The following ADGRV1 variants were observed in gnomAD, a reference collection of about 807,000 sequenced individuals.
ADGRV1 encodes the protein G-protein coupled receptor 98.
Under a neutral mutation model 596.2 loss-of-function variants are expected in ADGRV1, and 359 were observed. The ratio of observed to expected loss-of-function variants is 0.60; its 90% CI spans 0.55 to 0.66. The LOEUF is 0.66. Ranked by LOEUF, ADGRV1 falls within the 30% of genes least tolerant of loss-of-function variation. The pLI, the probability that ADGRV1 is intolerant of heterozygous loss-of-function variation, is 0.00. For synonymous variants in ADGRV1, 2,681 were observed against 2,679.2 expected, an observed-to-expected ratio of 1.00 and a Z score of -0.02; for missense variants, 7,274 against 7,575.6, an observed-to-expected ratio of 0.96 and a Z score of 1.48.
At chr5:90,907,869 G>C (rs1772468742) in intron 83 of ADGRV1, among the ~76,000 whole-genome samples, 1 of 151,948 alleles carries the variant, frequency 6.6e-6, no homozygotes, top group Non-Finnish European at 1.5e-5. Flanking sequence ...TTTTGTTTTT[G>C]AAATAGAGTC....
chr5:91,064,203 A>G (rs986652980), intron 85 of ADGRV1, among the ~76,000 whole-genome samples: 6 of 152,228 alleles, frequency 3.9e-5, no homozygotes, highest in Non-Finnish European at 8.8e-5. Context: ...GAGAAATGTA[A>G]AGAAAATGTT....
rs117736721 is a variant in ADGRV1, at chr5:90,584,783, T to C, written c.22+25866T>C. 2.5e-3 allele frequency among the ~76,000 whole-genome samples: 381 copies of C among 152,322 alleles called. 4 individuals carry two copies. Among genetic ancestry groups the C allele is most frequent in the Admixed American group, 0.021 (321 of 15,306 alleles). On this transcript the variant is annotated intron_variant, in intron 1 of 89. Coordinates refer to ENST00000405460, the MANE Select transcript of ADGRV1 (RefSeq NM_032119.4). ...GGACTGAAAGCCAGCCTGTCTTTGC[T>C]AGAAGTAAATACAGTATTAAGTTCT...
chr5:90,820,904 T>C (rs1276347014), intron 75 of ADGRV1, among the ~76,000 whole-genome samples: 1 of 152,086 alleles, frequency 6.6e-6, no homozygotes, highest in African/African-American at 2.4e-5. Context: ...TTGGAGTTGC[T>C]CTTCTCGAGG....
At chr5:90,704,300 G>C in intron 35 of ADGRV1, 89 bp from the exon 36 acceptor site, 1 of 802,450 alleles carries the variant, frequency 1.2e-6, no homozygotes, top group Non-Finnish European at 2.0e-6. Context: ...ATATTTGCCT[G>C]CACAATTTAT....
At chr5:91,108,702 C>T (rs1473286245) in intron 87 of ADGRV1, among the ~76,000 whole-genome samples, 1 of 152,070 alleles carries the variant, frequency 6.6e-6, no homozygotes, top group Non-Finnish European at 1.5e-5. Context: ...TCAAGCAATC[C>T]TGCCTCATCC....
At chr5:90,967,353 A>G (rs1778565221) in intron 84 of ADGRV1, among the ~76,000 whole-genome samples, 1 of 152,190 alleles carries the variant, frequency 6.6e-6, no homozygotes, top group Non-Finnish European at 1.5e-5. Flanking sequence ...TGGAAAATTA[A>G]TGGTGTTTTC....
chr5:90,694,601 C>A lies in ADGRV1; in HGVS notation c.7845C>A (p.Gly2615=), dbSNP rs953388720. The A allele has an allele frequency of 6.2e-7, 1 of 1,613,796 alleles. No individual in the cohort carries two copies. Among genetic ancestry groups the A allele is most frequent in the Non-Finnish European group, 8.5e-7 (1 of 1,179,806 alleles). The change falls in exon 33 of 90, where the codon GGC becomes GGA. Residue 2615 remains glycine, a synonymous_variant. Transcript: ENST00000405460. ...AGCTGATGATACACAGGACAGGGGG[C>A]AGCTTAGGTCAAGTGGCAGTCGAAT... ...LVELMIHRTG[G]SLGQVAVEWR...
At chr5:90,559,094 G>A (rs1754464864) in intron 1 of ADGRV1, among the ~76,000 whole-genome samples, 177 bp downstream of exon 1, 1 of 152,122 alleles carries the variant, frequency 6.6e-6, no homozygotes, top group African/African-American at 2.4e-5. Flanking sequence ...ATGGGGCATA[G>A]CTGCCCGCGT....
intron 59 of ADGRV1, among the ~76,000 whole-genome samples, chr5:90,768,875 G>A (rs556861011): frequency 3.7e-4 from 57 of 152,298 alleles, no homozygotes; most frequent in Admixed American, 1.4e-3. Flanking sequence ...CAACACCTGT[G>A]TAAGTGAAAG....
intron 85 of ADGRV1, among the ~76,000 whole-genome samples, chr5:91,047,872 T>C (rs1293309222): frequency 2.0e-5 from 3 of 152,188 alleles, no homozygotes; most frequent in Non-Finnish European, 2.9e-5. Context: ...AATAATTCTT[T>C]GGAAATAGAA....
At chr5:90,939,395 A>G (rs1775980450) in intron 83 of ADGRV1, among the ~76,000 whole-genome samples, 1 of 152,200 alleles carries the variant, frequency 6.6e-6, no homozygotes, top group Non-Finnish European at 1.5e-5. Context: ...CGATTAGGTT[A>G]ATTTGAGTTC....
chr5:90,983,647 A>T (rs1373933386), intron 84 of ADGRV1, among the ~76,000 whole-genome samples: 1 of 152,154 alleles, frequency 6.6e-6, no homozygotes, highest in African/African-American at 2.4e-5. Context: ...CCACATCCCT[A>T]TATTAATTAT....
intron 79 of ADGRV1, among the ~76,000 whole-genome samples, chr5:90,851,031 C>T (rs1433389699): frequency 1.3e-5 from 2 of 150,818 alleles, no homozygotes; most frequent in Admixed American, 1.3e-4. Context: ...GGCAGTCAGG[C>T]AAGAATTAGC....
intron 83 of ADGRV1, among the ~76,000 whole-genome samples, chr5:90,942,109 T>C (rs1412027357): frequency 2.6e-5 from 4 of 152,234 alleles, no homozygotes; most frequent in Admixed American, 6.5e-5. Context: ...AGCCACTTTT[T>C]CTTAGTTGTC....
chr5:90,779,573 G>T (rs1352177821), intron 64 of ADGRV1: 1 of 152,302 alleles, frequency 6.6e-6, no homozygotes, highest in African/African-American at 2.4e-5. Context: ...TTAAAGTGGG[G>T]AAAAATTTGA....
Position 91,134,486 on chromosome 5 carries a change from G to A in ADGRV1, c.18433-15544G>A, listed in dbSNP as rs141438751. Among the ~76,000 whole-genome samples, 655 of 152,254 alleles carry A rather than the reference G, an allele frequency of 4.3e-3. 5 individuals carry two copies. Among genetic ancestry groups the A allele is most frequent in the African/African-American group, 0.014 (566 of 41,548 alleles). ...TCAGATTATAGACGTGAGCCACTGC[G>A]CCCAACTGCCTACTGCTTCTTTGTG... On this transcript the variant is annotated intron_variant, in intron 87 of 89. Transcript: ENST00000405460.
intron 10 of ADGRV1, 57 bp downstream of exon 10, chr5:90,635,347 A>T: frequency 7.0e-7 from 1 of 1,422,942 alleles, no homozygotes; most frequent in Non-Finnish European, 9.5e-7. Flanking sequence ...ATGTACAGAC[A>T]CTATTTTTAA....
intron 84 of ADGRV1, among the ~76,000 whole-genome samples, chr5:90,972,537 G>A (rs1779146017): frequency 6.6e-6 from 1 of 152,118 alleles, no homozygotes; most frequent in Non-Finnish European, 1.5e-5. Context: ...TAGAACTCAG[G>A]ATTAAGAAAC....
chr5:91,018,419 G>A (rs1411425294), intron 85 of ADGRV1, among the ~76,000 whole-genome samples: 2 of 151,938 alleles, frequency 1.3e-5, no homozygotes, highest in Non-Finnish European at 2.9e-5. Context: ...TGGGAGAGAG[G>A]TTTTGGCAGA....
Sources: allele counts gnomAD v4.1 joint callset (sites outside exome capture counted in the v4.1 genomes callset), GRCh38; gene constraint gnomAD v4.1.1; transcripts MANE v1.5; gene names NCBI Gene and HGNC (gene_info 2026-07-23, HGNC 2026-07-21).